Variants in CENPW observed in about 807,000 individuals in gnomAD.
The protein encoded by CENPW is cancer-up-regulated gene 2 protein.
A neutral mutation model predicts 11.1 loss-of-function variants in CENPW; 3 were observed. That is an observed-to-expected ratio of 0.27 (90% CI 0.12 to 0.70). The LOEUF (loss-of-function observed/expected upper bound fraction) is 0.70, where lower values mean the gene tolerates loss of function less well. Among genes scored for constraint, CENPW ranks in the 30% least tolerant of loss-of-function variants. The pLI is 0.77. For missense variants in CENPW, 100 were observed against 105.6 expected (o/e 0.95, Z 0.23); for synonymous variants, 38 against 42.0 (o/e 0.91, Z 0.37).
At chr6:126,373,504 G>A in the CENPW span, among the ~76,000 whole-genome samples, 1 of 152,250 alleles carries the variant, frequency 6.6e-6, no homozygotes, top group Non-Finnish European at 1.5e-5. Context: ...ACAGCAGCAA[G>A]TATTTCTCAT....
the CENPW span, among the ~76,000 whole-genome samples, chr6:126,394,181 TG>T: frequency 3.3e-5 from 5 of 150,362 alleles, no homozygotes; most frequent in Non-Finnish European, 1.5e-5. Flanking sequence ...ATTTGCTCTC[TG>T]GATGTTTTGT....
chr6:126,409,600 G>C, the CENPW span, among the ~76,000 whole-genome samples: 18 of 151,756 alleles, frequency 1.2e-4, no homozygotes, highest in South Asian at 3.5e-3. Flanking sequence ...CTGGTGCTTC[G>C]TGCATACATA....
chr6:126,432,398 C>T, the CENPW span, among the ~76,000 whole-genome samples: 1 of 152,204 alleles, frequency 6.6e-6, no homozygotes, highest in African/African-American at 2.4e-5. Context: ...AAGTATGTCT[C>T]TGTTGTCTTC....
the CENPW span, among the ~76,000 whole-genome samples, chr6:126,472,559 G>A: frequency 2.6e-5 from 4 of 152,180 alleles, no homozygotes; most frequent in African/African-American, 7.2e-5. Context: ...ATCCATTCAT[G>A]TGTTGAGGGA....
the CENPW span, among the ~76,000 whole-genome samples, chr6:126,445,866 T>C: frequency 1.6e-3 from 247 of 151,366 alleles, no homozygotes; most frequent in African/African-American, 5.5e-3. Flanking sequence ...TGTTTTCTTC[T>C]CACCTAATAA....
At chr6:126,436,579 G>C in the CENPW span, among the ~76,000 whole-genome samples, 77 of 151,816 alleles carry the variant, frequency 5.1e-4, no homozygotes, top group African/African-American at 1.7e-3. Context: ...ATGCAGTTTA[G>C]GGTCCAAGCT....
chr6:126,473,982 TATATATAGA>T, the CENPW span, among the ~76,000 whole-genome samples: 3 of 148,272 alleles, frequency 2.0e-5, no homozygotes, highest in Admixed American at 6.8e-5. Context: ...ATATACAGAA[TATATATAGA>T]ATATATAGAA....
the CENPW span, among the ~76,000 whole-genome samples, chr6:126,364,712 T>C: frequency 1.3e-5 from 2 of 152,210 alleles, no homozygotes; most frequent in African/African-American, 2.4e-5. Flanking sequence ...CTGTCCATTT[T>C]ATTTTATGTA....
chr6:126,379,619 T>C, the CENPW span, among the ~76,000 whole-genome samples: 2 of 152,202 alleles, frequency 1.3e-5, no homozygotes, highest in African/African-American at 2.4e-5. Flanking sequence ...CTAATATTTA[T>C]CAGTGCTAAA....
At chr6:126,464,422 T>C in the CENPW span, among the ~76,000 whole-genome samples, 1 of 152,042 alleles carries the variant, frequency 6.6e-6, no homozygotes, top group Non-Finnish European at 1.5e-5. Flanking sequence ...GACTAAGAGA[T>C]TAACATTTGA....
chr6:126,421,152 C>G, the CENPW span, among the ~76,000 whole-genome samples: 1 of 152,140 alleles, frequency 6.6e-6, no homozygotes, highest in Non-Finnish European at 1.5e-5. Flanking sequence ...CTCTTAAAAT[C>G]CATGTCATAC....
chr6:126,472,769 G>T, the CENPW span, among the ~76,000 whole-genome samples: 1 of 152,164 alleles, frequency 6.6e-6, no homozygotes, highest in African/African-American at 2.4e-5. Context: ...TTCAGCATAT[G>T]AGAGTTACAG....
At position 126,342,007 on chromosome 6, in the gene CENPW, A is replaced by G. The variant is rs981703532; in HGVS notation, c.126+1608A>G. ...TGGTCAGTAGCTTTTCCCAGGTAGTATGCTCGTCGTGTTTGGCTTTCATTA... is the reference window on the plus strand; with the variant it reads ...TGGTCAGTAGCTTTTCCCAGGTAGTGTGCTCGTCGTGTTTGGCTTTCATTA... On this transcript the variant is annotated intron_variant, in intron 1 of 2. Coordinates refer to ENST00000368328, the MANE Select transcript of CENPW (RefSeq NM_001012507.4). 3.3e-5 allele frequency among the ~76,000 whole-genome samples: 5 copies of G among 152,288 alleles called. No individual in the cohort carries two copies. In the East Asian group the frequency reaches 9.7e-4, roughly 29 times the overall value.
chr6:126,473,602 A>G, the CENPW span, among the ~76,000 whole-genome samples: 1 of 151,880 alleles, frequency 6.6e-6, no homozygotes, highest in Non-Finnish European at 1.5e-5. Flanking sequence ...TGGCAGTGGC[A>G]CATGCTTTTA....
At chr6:126,341,170 T>G (rs932690915) in intron 1 of CENPW, among the ~76,000 whole-genome samples, 2 of 152,208 alleles carry the variant, frequency 1.3e-5, no homozygotes, top group Non-Finnish European at 2.9e-5. Context: ...TAAATTCAGT[T>G]TGTGTGTTGA....
the CENPW span, among the ~76,000 whole-genome samples, chr6:126,374,847 A>G: frequency 5.9e-5 from 9 of 152,348 alleles, no homozygotes; most frequent in African/African-American, 2.2e-4. Context: ...CCAAAGAAGC[A>G]TAAACTGTTC....
chr6:126,477,891 T>C, the CENPW span, among the ~76,000 whole-genome samples: 1 of 152,044 alleles, frequency 6.6e-6, no homozygotes, highest in Non-Finnish European at 1.5e-5. Flanking sequence ...ACTCCTCTTA[T>C]TGCCAACCGT....
the CENPW span, among the ~76,000 whole-genome samples, chr6:126,383,186 G>A: frequency 6.6e-6 from 1 of 152,180 alleles, no homozygotes; most frequent in African/African-American, 2.4e-5. Flanking sequence ...AGCTTCATAA[G>A]TGAATGAGAA....
At chr6:126,464,117 A>G in the CENPW span, among the ~76,000 whole-genome samples, 1 of 152,140 alleles carries the variant, frequency 6.6e-6, no homozygotes, top group African/African-American at 2.4e-5. Context: ...AGGATAATAC[A>G]TCACGATCAA....
Sources: gnomAD v4.1 joint callset for allele counts (sites outside exome capture counted in the v4.1 genomes callset) on GRCh38, gnomAD v4.1.1 for gene constraint, MANE v1.5 for transcripts, NCBI Gene and HGNC (gene_info 2026-07-23, HGNC 2026-07-21) for gene names.